The following CDC42EP5 variants were observed in gnomAD, a reference collection of about 807,000 sequenced individuals.
CDC42EP5 encodes the protein CDC42 effector protein 5, also known as CDC42 effector protein (Rho GTPase binding) 5.
For synonymous variants in CDC42EP5, 118 were observed against 123.3 expected (o/e 0.96, Z 0.28); for missense variants, 269 against 238.0 (o/e 1.13, Z -0.86).
Position 54,465,496 on chromosome 19 carries a change from G to C in CDC42EP5, c.52C>G (p.Arg18Gly), listed in dbSNP as rs773792222. 3 of 1,539,080 alleles carry C rather than the reference G, an allele frequency of 1.9e-6. No individual in the cohort carries two copies. Residue 18 changes from arginine (R) to glycine (G), a missense_variant, in exon 3 of 3, where the codon CGC (arginine) becomes GGC (glycine). Physicochemically the swap from Arg to Gly is moderately radical, Grantham distance 125. Transcript: ENST00000301200. The stretch of plus-strand genomic sequence containing the variant: ...GGCGCGGAGATGGACAGGGCGCCGC[G>C]ATCAGGCCGCTTCTTGGGCTGCGCG... ...GPAQPKKRPDRGALSISAPLG... is the reference protein window; with the variant it reads ...GPAQPKKRPDGGALSISAPLG...
At position 54,465,100 on chromosome 19, in the gene CDC42EP5, C is replaced by T. The variant is rs1303225239; in HGVS notation, c.*1G>A. 1.5e-6 allele frequency: 2 copies of T among 1,361,176 alleles called. No individual in the cohort carries two copies. Among genetic ancestry groups the T allele is most frequent in the Non-Finnish European group, 1.9e-6 (2 of 1,058,550 alleles). 84.3% of individuals were successfully genotyped at this position (1,361,176 alleles called of 1,614,324 possible). On this transcript the variant is annotated 3_prime_UTR_variant, in exon 3 of 3. Transcript: ENST00000301200. The stretch of plus-strand genomic sequence containing the variant: ...GGGAAGGGCGCGGGGAATGAGGGAA[C>T]CTAGAGGCCGATGACGTCGTTCAGC...
Position 54,465,573 on chromosome 19 carries a change from G to A in CDC42EP5, c.1-26C>T, listed in dbSNP as rs747429416. The A allele has an allele frequency of 2.8e-5, 40 of 1,450,340 alleles. No individual in the cohort carries two copies. The African/African-American group carries it at 5.5e-4, about 20-fold the overall frequency. 89.8% of individuals were successfully genotyped at this position (1,450,340 alleles called of 1,614,324 possible). On this transcript the variant is annotated intron_variant, in intron 2 of 2. Transcript: ENST00000301200. Reference sequence around the variant, plus strand: ...CTGCGAGGGGCACGGGAGGGTCAGCGCGGCCCCAGCCCGGGGCTCGCAGCC... The same window carrying A: ...CTGCGAGGGGCACGGGAGGGTCAGCACGGCCCCAGCCCGGGGCTCGCAGCC...
chr19:54,465,461 G>A lies in CDC42EP5; in HGVS notation c.87C>T (p.Asp29=), dbSNP rs201220343. ...GCCCCACGTGCAGCGTGTGCCGGAA[G>A]TCGCCGAGCGGCGCGGAGATGGACA... ...GALSISAPLG[D]FRHTLHVGRG... The change falls in exon 3 of 3, where the codon GAC becomes GAT. Residue 29 remains aspartate, a synonymous_variant. Coordinates refer to ENST00000301200, the MANE Select transcript of CDC42EP5 (RefSeq NM_145057.4). 1.9e-3 allele frequency: 2,935 copies of A among 1,518,972 alleles called. 50 individuals carry two copies. In the African/African-American group the frequency reaches 0.036, roughly 19 times the overall value. The allele number at this position is 1,518,972 out of a possible 1,614,324, so 94.1% of individuals were successfully genotyped here.
intron 1 of CDC42EP5, among the ~76,000 whole-genome samples, chr19:54,472,481 C>T (rs1288140643): frequency 1.1e-5 from 1 of 91,154 alleles, no homozygotes; most frequent in Non-Finnish European, 2.2e-5. Flanking sequence ...AGCCCCTCCT[C>T]CCTCAGACCC....
intron 1 of CDC42EP5, 69 bp from the exon 2 acceptor site, chr19:54,471,754 C>A (rs2084839602): frequency 1.3e-5 from 2 of 156,354 alleles, no homozygotes; most frequent in East Asian, 1.8e-4. Context: ...TCCGTAGAGC[C>A]ACCTCCTCCT....
At chr19:54,470,401 G>C (rs2123298219) in intron 2 of CDC42EP5, among the ~76,000 whole-genome samples, 1 of 148,188 alleles carries the variant, frequency 6.7e-6, no homozygotes, top group Non-Finnish European at 1.5e-5. Context: ...AGGAGAGAGA[G>C]AGAGAAAAAG....
chr19:54,465,290 G>T lies in CDC42EP5; in HGVS notation c.258C>A (p.Asp86Glu). The change falls in exon 3 of 3, where the codon GAC becomes GAA. Residue 86 changes from aspartate to glutamate, a missense_variant. Physicochemically the swap from Asp to Glu is conservative, Grantham distance 45. Transcript: ENST00000301200. Reference protein sequence around the residue: ...VPQSAAPSPADPLLSFHLDLG... With the variant: ...VPQSAAPSPAEPLLSFHLDLG... The stretch of plus-strand genomic sequence containing the variant: ...GATCCAGGTGGAAGGACAGCAGCGG[G>T]TCGGCAGGCGAGGGCGCTGCGGACT... 7.8e-7 allele frequency: 1 copy of T among 1,286,870 alleles called. No individual in the cohort carries two copies. Among genetic ancestry groups the T allele is most frequent in the Non-Finnish European group, 9.9e-7 (1 of 1,014,666 alleles). The allele number at this position is 1,286,870 out of a possible 1,614,324, so 79.7% of individuals were successfully genotyped here.
chr19:54,465,458 G>T lies in CDC42EP5; in HGVS notation c.90C>A (p.Phe30Leu). Residue 30 changes from phenylalanine (F) to leucine (L), a missense_variant, in exon 3 of 3, where the codon TTC becomes TTA. Physicochemically the swap from Phe to Leu is conservative, Grantham distance 22. Transcript: ENST00000301200. ...CGCGCCCCACGTGCAGCGTGTGCCG[G>T]AAGTCGCCGAGCGGCGCGGAGATGG... ...ALSISAPLGD[F>L]RHTLHVGRGG... 6.6e-7 allele frequency: 1 copy of T among 1,518,076 alleles called. No individual in the cohort carries two copies. Among genetic ancestry groups the T allele is most frequent in the Non-Finnish European group, 8.7e-7 (1 of 1,144,754 alleles). 94.0% of individuals were successfully genotyped at this position (1,518,076 alleles called of 1,614,324 possible). A position where few individuals can be genotyped will look rare whatever the true frequency, so the allele number is the denominator to read the frequency against.
chr19:54,465,150 C>T lies in CDC42EP5; in HGVS notation c.398G>A (p.Arg133His), dbSNP rs1176654212. Reference protein sequence around the residue: ...PRPGTQPPQARCRPNADLELN... With the variant: ...PRPGTQPPQAHCRPNADLELN... ...CTCGAGGTCCGCGTTGGGGCGGCAG[C>T]GGGCCTGGGGGGGCTGCGTCCCGGG... The change falls in exon 3 of 3, where the codon CGC becomes CAC. Residue 133 changes from arginine (R) to histidine (H), a missense_variant. Transcript: ENST00000301200. 2.1e-6 allele frequency: 3 copies of T among 1,396,168 alleles called. No individual in the cohort carries two copies. Among genetic ancestry groups the T allele is most frequent in the African/African-American group, 1.5e-5 (1 of 66,122 alleles). 86.5% of individuals were successfully genotyped at this position (1,396,168 alleles called of 1,614,324 possible).
chr19:54,469,950 TAA>T (rs879559705), intron 2 of CDC42EP5, among the ~76,000 whole-genome samples: 12 of 152,244 alleles, frequency 7.9e-5, no homozygotes, highest in Middle Eastern at 3.4e-3. Flanking sequence ...GCAACACACA[TAA>T]AGTCTTGGTT....
rs527679312 is a variant in CDC42EP5 at position 54,470,786 on chromosome 19, G to C, written c.-1+759C>G. On this transcript the variant is annotated intron_variant, in intron 2 of 2. Transcript: ENST00000301200. ...TAGCAAATGCTGCGCGCCAGATCTG[G>C]AATCCAGACGAACTCTTAGCTCCCC... is the stretch of plus-strand genomic sequence containing the variant. 2.0e-5 allele frequency among the ~76,000 whole-genome samples: 3 copies of C among 152,246 alleles called. No homozygotes were observed. In the South Asian group the frequency reaches 6.2e-4, roughly 32 times the overall value.
Position 54,465,114 on chromosome 19 carries a change from A to C in CDC42EP5, c.434T>G (p.Val145Gly), listed in dbSNP as rs776750616. ...RPNADLELND[V>G]IGL ...GAATGAGGGAACCTAGAGGCCGATG[A>C]CGTCGTTCAGCTCGAGGTCCGCGTT... is the stretch of plus-strand genomic sequence containing the variant. The change falls in exon 3 of 3, where the codon GTC (valine) becomes GGC (glycine). Residue 145 changes from valine to glycine, a missense_variant. By Grantham distance (109) the Val-to-Gly change is moderately radical (BLOSUM62 -3). Transcript: ENST00000301200. 28 of 1,377,142 alleles carry C rather than the reference A, an allele frequency of 2.0e-5. No homozygotes were observed. The African/African-American group carries it at 3.6e-4, about 18-fold the overall frequency. 85.3% of individuals were successfully genotyped at this position (1,377,142 alleles called of 1,614,324 possible). A position where few individuals can be genotyped will look rare whatever the true frequency, so the allele number is the denominator to read the frequency against.
intron 2 of CDC42EP5, among the ~76,000 whole-genome samples, chr19:54,467,811 C>T (rs1569323609): frequency 1.3e-5 from 2 of 152,312 alleles, no homozygotes; most frequent in South Asian, 4.1e-4. Flanking sequence ...GCATGAGCCA[C>T]CACGCCCGGC....
intron 2 of CDC42EP5, among the ~76,000 whole-genome samples, chr19:54,466,413 A>T (rs573795543): frequency 6.6e-6 from 1 of 152,340 alleles, no homozygotes; most frequent in African/African-American, 2.4e-5. Flanking sequence ...ACTGCACTCC[A>T]GCCTGGGCAA....
intron 1 of CDC42EP5, 92 bp from the exon 2 acceptor site, chr19:54,471,777 C>G (rs184469659): frequency 8.0e-4 from 127 of 159,692 alleles, no homozygotes; most frequent in Middle Eastern, 3.0e-3. Context: ...GCCCTCAGGT[C>G]CTAGGCGTCC....
intron 2 of CDC42EP5, among the ~76,000 whole-genome samples, chr19:54,469,056 G>A (rs758228391): frequency 1.3e-5 from 2 of 150,948 alleles, no homozygotes; most frequent in South Asian, 2.1e-4. Context: ...GTGCAATGGC[G>A]CGATCTCGGC....
rs1283792316 is a variant in CDC42EP5 at position 54,465,412 on chromosome 19, T to C, written c.136A>G (p.Thr46Ala). 1 of 1,394,722 alleles carries C rather than the reference T, an allele frequency of 7.2e-7. No individual in the cohort carries two copies. The highest frequency in any genetic ancestry group is 9.3e-7 in the Non-Finnish European group (1 of 1,072,184). The allele number at this position is 1,394,722 out of a possible 1,614,324, so 86.4% of individuals were successfully genotyped here. A position where few individuals can be genotyped will look rare whatever the true frequency, so the allele number is the denominator to read the frequency against. Reference sequence around the variant, plus strand: ...CCGCCGTGGCGGCTCAGGAACGAGGTGTCCCCGAAGGCGTCGCCGCCGCGC... The same window carrying C: ...CCGCCGTGGCGGCTCAGGAACGAGGCGTCCCCGAAGGCGTCGCCGCCGCGC... ...VGRGGDAFGD[T>A]SFLSRHGGGP... Residue 46 changes from threonine to alanine, a missense_variant, in exon 3 of 3, where the codon ACC (threonine) becomes GCC (alanine). Physicochemically the swap from Thr to Ala is moderately conservative, Grantham distance 58. Transcript: ENST00000301200.
rs1053894466 is a variant in CDC42EP5, at chr19:54,467,218, G to A, written c.1-1671C>T. Among the ~76,000 whole-genome samples the A allele has an allele frequency of 2.6e-5, 4 of 151,366 alleles. No homozygotes were observed. In the East Asian group the frequency reaches 8.0e-4, roughly 30 times the overall value. On this transcript the variant is annotated intron_variant, in intron 2 of 2. Transcript: ENST00000301200. ...AATCCCAGCACTTTTGGAGGCTGAA[G>A]CGGGTGGATCACCTGAGGTCAGGAC...
chr19:54,468,346 TAC>T (rs71959392), intron 2 of CDC42EP5, among the ~76,000 whole-genome samples: 37,047 of 148,092 alleles, frequency 0.25, 4,713 homozygotes, highest in East Asian at 0.52. Flanking sequence ...AAGACTGGCC[TAC>T]ACACACACAC....
Sources: allele counts gnomAD v4.1 joint callset (sites outside exome capture counted in the v4.1 genomes callset), GRCh38; gene constraint gnomAD v4.1.1; transcripts MANE v1.5; gene names NCBI Gene and HGNC (gene_info 2026-07-23, HGNC 2026-07-21).